COX11: variants seen among roughly 807,000 people sequenced by gnomAD.
COX11 encodes the protein cytochrome c oxidase copper chaperone COX11.
Under a neutral mutation model 29.4 loss-of-function variants are expected in COX11, and 18 were observed. The observed-to-expected ratio is 0.61, with a 90% CI of 0.42 to 0.91. COX11 has a LOEUF of 0.91. Ranked by LOEUF, COX11 falls within the 40% of genes least tolerant of loss-of-function variation. The pLI is 0.00. For missense variants in COX11, 312 were observed against 346.0 expected (o/e 0.90, Z 0.78); for synonymous variants, 131 against 124.0 (o/e 1.06, Z -0.38).
exon 1 of COX11, chr17:54,953,176 C>T (rs2049321665): frequency 6.6e-6 from 1 of 152,354 alleles, no homozygotes; most frequent in African/African-American, 2.4e-5. Context: ...CCCAGGAGTT[C>T]AAGACCAGCC....
At chr17:54,965,080 G>A (rs569081557) in intron 1 of COX11, among the ~76,000 whole-genome samples, 45 of 152,172 alleles carry the variant, frequency 3.0e-4, no homozygotes, top group Non-Finnish European at 5.3e-4. Context: ...TTGGTTACCT[G>A]GCATGGTCAA....
rs370559680 is a variant in COX11 at position 54,968,632 on chromosome 17, C to G, written c.15G>C (p.Trp5Cys). The G allele has an allele frequency of 3.7e-6, 6 of 1,612,346 alleles. No individual in the cohort carries two copies. The African/African-American group carries it at 8.0e-5, about 22-fold the overall frequency. Residue 5 changes from tryptophan (W) to cysteine (C), a missense_variant, in exon 1 of 4, where the codon TGG becomes TGC. Physicochemically the swap from Trp to Cys is radical, Grantham distance 215 (BLOSUM62 -2). This residue lies in a region of COX11 where 130 missense variants were observed against 106.0 expected (regional missense o/e 1.23). Coordinates refer to ENST00000299335, the MANE Select transcript of COX11 (RefSeq NM_004375.5). MGGL[W>C]RPGWRCVPFC... ...AAGGAACGCACCTCCATCCAGGACG[C>G]CAGAGCCCTCCCATAACCCTCTGAA...
downstream of COX11, among the ~76,000 whole-genome samples, chr17:54,956,149 A>G (rs2049491368): frequency 6.6e-6 from 1 of 152,136 alleles, no homozygotes; most frequent in African/African-American, 2.4e-5. Flanking sequence ...AACACAGGTT[A>G]TTATTATTTT....
downstream of COX11, among the ~76,000 whole-genome samples, chr17:54,959,680 C>T (rs762826648): frequency 4.7e-5 from 7 of 150,270 alleles, no homozygotes; most frequent in African/African-American, 1.5e-4. Flanking sequence ...TGCAGTGGCA[C>T]GATCTCAGCT....
chr17:54,963,969 T>G (rs995178589), intron 2 of COX11, among the ~76,000 whole-genome samples: 1 of 152,152 alleles, frequency 6.6e-6, no homozygotes, highest in Non-Finnish European at 1.5e-5. Flanking sequence ...ATTCAGCCAC[T>G]AATACCTTTG....
chr17:54,951,953 C>G (rs1033122632), exon 1 of COX11: 1 of 152,104 alleles, frequency 6.6e-6, no homozygotes, highest in African/African-American at 2.4e-5. Flanking sequence ...CTTTAGGGGC[C>G]AGGATCAGAA....
downstream of COX11, among the ~76,000 whole-genome samples, chr17:54,958,689 T>A (rs933996180): frequency 1.5e-5 from 2 of 134,664 alleles, no homozygotes; most frequent in African/African-American, 2.8e-5. Context: ...GAGATCCCAC[T>A]ATTGCACTCT....
chr17:54,959,028 GTTTCCAT>G (rs2077037460), downstream of COX11, among the ~76,000 whole-genome samples: 1 of 152,172 alleles, frequency 6.6e-6, no homozygotes, highest in Non-Finnish European at 1.5e-5. Context: ...AAATGAGGAA[GTTTCCAT>G]ATCAAGACAT....
chr17:54,958,912 G>A (rs1209219851), downstream of COX11, among the ~76,000 whole-genome samples: 2 of 152,100 alleles, frequency 1.3e-5, no homozygotes, highest in African/African-American at 4.8e-5. Flanking sequence ...CTCAGGAAGG[G>A]AAGAATAACT....
At position 54,968,620 on chromosome 17, in the gene COX11, C is replaced by G; in HGVS notation, c.27G>C (p.Trp9Cys). ...GCCAGCCACAGAAAGGAACGCACCT[C>G]CATCCAGGACGCCAGAGCCCTCCCA... is the stretch of plus-strand genomic sequence containing the variant. MGGLWRPG[W>C]RCVPFCGWRW... The change falls in exon 1 of 4, where the codon TGG (tryptophan) becomes TGC (cysteine). Residue 9 changes from tryptophan to cysteine, a missense_variant. Trp to Cys is a radical substitution (Grantham distance 215). This residue lies in a region of COX11 where 130 missense variants were observed against 106.0 expected (regional missense o/e 1.23). Transcript: ENST00000299335. 1 of 1,612,870 alleles carries G rather than the reference C, an allele frequency of 6.2e-7. No individual in the cohort carries two copies. Among genetic ancestry groups the G allele is most frequent in the Non-Finnish European group, 8.5e-7 (1 of 1,179,992 alleles).
Position 54,960,728 on chromosome 17 carries a change from G to T in COX11, c.*2005C>A. On this transcript the variant is annotated 3_prime_UTR_variant, in exon 4 of 4. Coordinates refer to ENST00000299335, the MANE Select transcript of COX11 (RefSeq NM_004375.5). ...TATTTAAATTTTCTAAGGGCCATCT[G>T]AGTCTGACACTTTGAAATATGAGTT... 1.2e-6 allele frequency: 1 copy of T among 848,034 alleles called. No homozygotes were observed. Among genetic ancestry groups the T allele is most frequent in the South Asian group, 1.5e-5 (1 of 68,140 alleles). The allele number at this position is 848,034 out of a possible 1,614,324, so 52.5% of individuals were successfully genotyped here.
intron 1 of COX11, among the ~76,000 whole-genome samples, chr17:54,966,492 G>C (rs940545503): frequency 2.0e-5 from 3 of 152,090 alleles, no homozygotes; most frequent in African/African-American, 7.2e-5. Context: ...ATTTTTTGTT[G>C]TTTGGGGGTG....
Position 54,964,741 on chromosome 17 carries a change from C to A in COX11, c.478G>T (p.Ala160Ser), listed in dbSNP as rs1337166038. The A allele has an allele frequency of 2.1e-5, 34 of 1,613,900 alleles. No individual in the cohort carries two copies. Among genetic ancestry groups the A allele is most frequent in the Non-Finnish European group, 2.9e-5 (34 of 1,179,954 alleles). Residue 160 changes from alanine (A) to serine (S), a missense_variant, in exon 2 of 4, where the codon GCA becomes TCA. Transcript: ENST00000299335. ...IKISFNADVHASLQWNFRPQQ... is the reference protein window; with the variant it reads ...IKISFNADVHSSLQWNFRPQQ... ...GGTCTAAAGTTCCACTGGAGACTTG[C>A]ATGCACATCTGCATTAAAGCTAATT...
Position 54,962,168 on chromosome 17 carries a change from C to T in COX11, c.*565G>A. 4 of 965,896 alleles carry T rather than the reference C, an allele frequency of 4.1e-6. No individual in the cohort carries two copies. Among genetic ancestry groups the T allele is most frequent in the Non-Finnish European group, 4.9e-6 (4 of 812,088 alleles). The allele number at this position is 965,896 out of a possible 1,614,324, so 59.8% of individuals were successfully genotyped here. ...ACTCTGAATATAAAATAGCCCTAAA[C>T]CTTAAAGGACAAATCAAATTTGAAA... is the stretch of plus-strand genomic sequence containing the variant. On this transcript the variant is annotated 3_prime_UTR_variant, in exon 4 of 4. Coordinates refer to ENST00000299335, the MANE Select transcript of COX11 (RefSeq NM_004375.5).
intron 1 of COX11, among the ~76,000 whole-genome samples, chr17:54,965,597 G>A (rs991358883): frequency 5.3e-5 from 8 of 152,058 alleles, no homozygotes; most frequent in Admixed American, 2.0e-4. Context: ...GGGAAGCCAC[G>A]GGGGGCGGAT....
At chr17:54,967,753 A>G (rs1193945265) in intron 1 of COX11, among the ~76,000 whole-genome samples, 1 of 152,102 alleles carries the variant, frequency 6.6e-6, no homozygotes, top group African/African-American at 2.4e-5. Context: ...AGTACATTAC[A>G]GTTATATATT....
chr17:54,963,298 T>C lies in COX11; in HGVS notation c.648+8A>G. On this transcript the variant is annotated splice_region_variant and intron_variant, in intron 3 of 3. Transcript: ENST00000299335. ...ATCATATTCTGTAAAGTTTACACTT[T>C]GATGTACCTGTATTTTATTGAAATA... is the stretch of plus-strand genomic sequence containing the variant. The C allele has an allele frequency of 6.2e-7, 1 of 1,607,776 alleles. No homozygotes were observed. Among genetic ancestry groups the C allele is most frequent in the Non-Finnish European group, 8.5e-7 (1 of 1,176,676 alleles).
In COX11 at chr17:54,963,449, T is replaced by C. The variant is rs570721322; in HGVS notation, c.523-18A>G. On this transcript the variant is annotated intron_variant, in intron 2 of 3. Transcript: ENST00000299335. ...GGCACCACCTGTTTTAAAGAATATA[T>C]ATATTATCAATACTTTGAATCTCAC... is the stretch of plus-strand genomic sequence containing the variant. 3.8e-6 allele frequency: 6 copies of C among 1,593,000 alleles called. No homozygotes were observed. The highest frequency in any genetic ancestry group is 3.5e-5 in the South Asian group (3 of 85,932).
At chr17:54,963,506 C>T (rs1387819911) in intron 2 of COX11, 75 bp from the exon 3 acceptor site, 4 of 1,446,016 alleles carry the variant, frequency 2.8e-6, no homozygotes, top group African/African-American at 1.5e-5. Context: ...AAATTAGTCT[C>T]ATTATTTTGC....
Sources: gnomAD v4.1 joint callset for allele counts (sites outside exome capture counted in the v4.1 genomes callset) on GRCh38, gnomAD v4.1.1 for gene constraint, gnomAD v4.1.1 regional missense constraint, MANE v1.5 for transcripts, NCBI Gene and HGNC (gene_info 2026-07-23, HGNC 2026-07-21) for gene names.